Variants in ARHGAP21 observed in about 807,000 individuals in gnomAD.
ARHGAP21 encodes the protein rho GTPase-activating protein 21.
ARHGAP21 carries 38 observed loss-of-function variants against 164.6 expected under a neutral mutation model. That is an observed-to-expected ratio of 0.23 (90% CI 0.18 to 0.30). The LOEUF (loss-of-function observed/expected upper bound fraction) is 0.30. ARHGAP21 is among the 10% of genes least tolerant of loss of function. The probability of loss-of-function intolerance (pLI) is 1.00; values close to 1 mark genes in which losing one functional copy is unlikely to be tolerated. For synonymous variants in ARHGAP21, 766 were observed against 857.9 expected (o/e 0.89, Z 1.87); for missense variants, 1,822 against 2,370.7 (o/e 0.77, Z 4.81).
chr10:24,691,695 A>G (rs1366017187), intron 2 of ARHGAP21, among the ~76,000 whole-genome samples: 1 of 152,194 alleles, frequency 6.6e-6, no homozygotes, highest in Non-Finnish European at 1.5e-5. Flanking sequence ...TTCTGGAAAC[A>G]TTATAAGATG....
chr10:24,599,519 T>C (rs964425474), intron 14 of ARHGAP21, among the ~76,000 whole-genome samples: 3 of 152,232 alleles, frequency 2.0e-5, no homozygotes, highest in Non-Finnish European at 2.9e-5. Flanking sequence ...TTGGATATAA[T>C]GGAAATGACT....
chr10:24,691,355 T>C lies in ARHGAP21; in HGVS notation c.64-20958A>G, dbSNP rs185897309. Among the ~76,000 whole-genome samples the C allele has an allele frequency of 2.0e-3, 310 of 152,326 alleles. 1 individual carries two copies. The highest frequency in any genetic ancestry group is 7.2e-3 in the African/African-American group (298 of 41,576). On this transcript the variant is annotated intron_variant, in intron 2 of 25. Transcript: ENST00000396432. The stretch of plus-strand genomic sequence containing the variant: ...AAGACAGGGCTTAGACATGGAGCAA[T>C]GAGGCTGTCATCCAACTTCTAATGT...
intron 4 of ARHGAP21, among the ~76,000 whole-genome samples, chr10:24,662,421 T>A (rs1839797098): frequency 6.6e-6 from 1 of 152,154 alleles, no homozygotes; most frequent in Non-Finnish European, 1.5e-5. Flanking sequence ...GGCAAGCTAT[T>A]TCTCAGCCTC....
At chr10:24,704,289 CTTTTTTTTT>C (rs201080039) in intron 2 of ARHGAP21, among the ~76,000 whole-genome samples, 1 of 125,978 alleles carries the variant, frequency 7.9e-6, no homozygotes, top group Non-Finnish European at 1.7e-5. Context: ...TTTTTCTTTT[CTTTTTTTTT>C]TTTTTTTTTT....
intron 24 of ARHGAP21, chr10:24,590,543 A>AACAAGAACT: frequency 6.6e-7 from 1 of 1,512,498 alleles, no homozygotes; most frequent in Admixed American, 2.0e-5. Context: ...TTAGGACTAA[A>AACAAGAACT]ACAAGAACTA....
At chr10:24,594,907 A>G (rs375632850) in intron 21 of ARHGAP21, 43 bp downstream of exon 21, 118 of 1,481,264 alleles carry the variant, frequency 8.0e-5, no homozygotes, top group Non-Finnish European at 9.8e-5. Flanking sequence ...CTTTTAAACT[A>G]AAGCCACTAA....
chr10:24,602,579 T>C (rs1488919169), intron 12 of ARHGAP21, among the ~76,000 whole-genome samples: 1 of 152,212 alleles, frequency 6.6e-6, no homozygotes, highest in Non-Finnish European at 1.5e-5. Flanking sequence ...ATCATCATTA[T>C]CACTTTAAAT....
intron 11 of ARHGAP21, among the ~76,000 whole-genome samples, chr10:24,604,663 A>C (rs1414145009): frequency 6.6e-6 from 1 of 152,172 alleles, no homozygotes; most frequent in Non-Finnish European, 1.5e-5. Flanking sequence ...AGTTAACTGT[A>C]GCTGCAATGC....
intron 9 of ARHGAP21, among the ~76,000 whole-genome samples, chr10:24,608,274 T>G (rs1351640494): frequency 1.3e-5 from 2 of 152,182 alleles, no homozygotes; most frequent in African/African-American, 4.8e-5. Context: ...TACCACAGAT[T>G]ATCACTTCAG....
chr10:24,659,774 G>A (rs753713509), intron 4 of ARHGAP21, among the ~76,000 whole-genome samples: 2 of 152,242 alleles, frequency 1.3e-5, no homozygotes, highest in South Asian at 2.1e-4. Flanking sequence ...AAAGTGCTGG[G>A]ATTACAGGCA....
At chr10:24,615,442 A>C (rs1463596030) in intron 9 of ARHGAP21, among the ~76,000 whole-genome samples, 1 of 152,218 alleles carries the variant, frequency 6.6e-6, no homozygotes, top group East Asian at 1.9e-4. Context: ...CATGGGGAAG[A>C]GATGCCAATT....
rs187596166 is a variant in ARHGAP21 at position 24,601,823 on chromosome 10, G to A, written c.2847+155C>T. Among the ~76,000 whole-genome samples, 1,487 of 151,626 alleles carry A rather than the reference G, an allele frequency of 9.8e-3. 15 individuals carry two copies. The highest frequency in any genetic ancestry group is 0.029 in the South Asian group (141 of 4,788). Reference sequence around the variant, plus strand: ...ATGCAATAATTAGAATTTTTTTAAGGAATACTTTTTTTAATGTAGAAAAAT... The same window carrying A: ...ATGCAATAATTAGAATTTTTTTAAGAAATACTTTTTTTAATGTAGAAAAAT... On this transcript the variant is annotated intron_variant, in intron 13 of 25. Transcript: ENST00000396432.
intron 7 of ARHGAP21, among the ~76,000 whole-genome samples, chr10:24,626,254 T>G (rs969948347): frequency 1.3e-5 from 2 of 152,188 alleles, no homozygotes; most frequent in African/African-American, 4.8e-5. Context: ...CTCCTACCAC[T>G]ATCTCACTCA....
In ARHGAP21 at chr10:24,607,784, A is replaced by G. The variant is rs1395858649; in HGVS notation, c.2542T>C (p.Ser848Pro). 3.1e-6 allele frequency: 5 copies of G among 1,614,098 alleles called. No homozygotes were observed. Among genetic ancestry groups the G allele is most frequent in the Non-Finnish European group, 4.2e-6 (5 of 1,180,018 alleles). ...IATVPPCLTT[S>P]APLIRRQLSH... ...AGCTGACGGCGAATTAATGGAGCTG[A>G]AGTTGTGAGGCAAGGAGGAACTGTT... Residue 848 changes from serine to proline, a missense_variant, in exon 10 of 26, where the codon TCA becomes CCA. Coordinates refer to ENST00000396432, the MANE Select transcript of ARHGAP21 (RefSeq NM_020824.4).
At chr10:24,717,075 T>G (rs1845463646) in intron 2 of ARHGAP21, among the ~76,000 whole-genome samples, 1 of 152,204 alleles carries the variant, frequency 6.6e-6, no homozygotes, top group Non-Finnish European at 1.5e-5. Flanking sequence ...AGTGTGTGTG[T>G]GTCAATTATC....
chr10:24,625,954 T>C (rs1021603401), intron 7 of ARHGAP21, among the ~76,000 whole-genome samples: 3 of 152,164 alleles, frequency 2.0e-5, no homozygotes, highest in African/African-American at 7.2e-5. Flanking sequence ...AACAGCAGTA[T>C]AGGACTGTGG....
At chr10:24,696,295 A>C (rs1275731344) in intron 2 of ARHGAP21, among the ~76,000 whole-genome samples, 2 of 152,208 alleles carry the variant, frequency 1.3e-5, no homozygotes. Flanking sequence ...AAAGTGGCCC[A>C]GAGAGACAGA....
chr10:24,604,843 C>T (rs2076958846), intron 11 of ARHGAP21, among the ~76,000 whole-genome samples: 2 of 152,140 alleles, frequency 1.3e-5, no homozygotes, highest in Non-Finnish European at 2.9e-5. Context: ...CTTCACTCTT[C>T]TACTCTAACC....
intron 4 of ARHGAP21, among the ~76,000 whole-genome samples, chr10:24,666,117 C>A (rs750931817): frequency 5.9e-5 from 9 of 152,200 alleles, no homozygotes; most frequent in African/African-American, 2.2e-4. Context: ...GCAAGCTCTG[C>A]CTCCCAGGTT....
Sources: gnomAD v4.1 joint callset for allele counts (sites outside exome capture counted in the v4.1 genomes callset) on GRCh38, gnomAD v4.1.1 for gene constraint, MANE v1.5 for transcripts, NCBI Gene and HGNC (gene_info 2026-07-23, HGNC 2026-07-21) for gene names.